PLGRKT: variants seen among roughly 807,000 people sequenced by gnomAD.
The protein encoded by PLGRKT is plasminogen receptor (KT).
Under a neutral mutation model 18.5 loss-of-function variants are expected in PLGRKT, and 22 were observed. That is an observed-to-expected ratio of 1.19 (90% CI 0.85 to 1.70). PLGRKT has a LOEUF of 1.70. PLGRKT is among the 40% of genes most tolerant of loss of function. The probability of loss-of-function intolerance (pLI) is 0.00; values close to 1 mark genes in which losing one functional copy is unlikely to be tolerated. For synonymous variants in PLGRKT, 72 were observed against 52.8 expected, an observed-to-expected ratio of 1.36 and a Z score of -1.58; for missense variants, 235 against 174.4, an observed-to-expected ratio of 1.35 and a Z score of -1.96.
intron 3 of PLGRKT, among the ~76,000 whole-genome samples, chr9:5,401,927 A>G (rs1430873921): frequency 6.6e-6 from 1 of 151,990 alleles, no homozygotes; most frequent in Non-Finnish European, 1.5e-5. Context: ...CTCTTTGGTC[A>G]ACAGACACTT....
intron 3 of PLGRKT, among the ~76,000 whole-genome samples, chr9:5,425,886 GATTTT>G (rs1271332983): frequency 6.6e-6 from 1 of 152,036 alleles, no homozygotes; most frequent in African/African-American, 2.4e-5. Flanking sequence ...AGTAGGATAA[GATTTT>G]ATTTATTAGG....
At chr9:5,408,314 C>CA (rs1818294401) in intron 3 of PLGRKT, among the ~76,000 whole-genome samples, 1 of 152,230 alleles carries the variant, frequency 6.6e-6, no homozygotes, top group East Asian at 1.9e-4. Context: ...GATGAGGTCT[C>CA]AGATGGAAAT....
intron 5 of PLGRKT, among the ~76,000 whole-genome samples, chr9:5,358,947 G>A (rs981322946): frequency 6.6e-6 from 1 of 152,120 alleles, no homozygotes; most frequent in African/African-American, 2.4e-5. Flanking sequence ...TATTGTCGAA[G>A]ACTACTTAGC....
rs551857200 is a variant in PLGRKT, at chr9:5,434,861, G to A, written c.-7+1708C>T. On this transcript the variant is annotated intron_variant, in intron 2 of 5. Coordinates refer to ENST00000223864, the MANE Select transcript of PLGRKT (RefSeq NM_018465.4). Reference sequence around the variant, plus strand: ...AGAACGGGCCATGATGACGATGGCGGTTTTGTCGAAAAGAAAAGGGGGAAA... The same window carrying A: ...AGAACGGGCCATGATGACGATGGCGATTTTGTCGAAAAGAAAAGGGGGAAA... Among the ~76,000 whole-genome samples, 129 of 152,258 alleles carry A rather than the reference G, an allele frequency of 8.5e-4. 1 individual carries two copies. Among genetic ancestry groups the A allele is most frequent in the African/African-American group, 2.8e-3 (117 of 41,544 alleles).
intron 3 of PLGRKT, among the ~76,000 whole-genome samples, chr9:5,370,672 T>C (rs1817496521): frequency 6.6e-6 from 1 of 152,256 alleles, no homozygotes; most frequent in Admixed American, 6.5e-5. Flanking sequence ...GTTTTGTTTT[T>C]ATCCGAAATG....
intron 3 of PLGRKT, among the ~76,000 whole-genome samples, chr9:5,408,683 C>T (rs1408664996): frequency 1.3e-5 from 2 of 152,224 alleles, no homozygotes; most frequent in Non-Finnish European, 2.9e-5. Flanking sequence ...GGAGCCAAGT[C>T]TAATAGTCAA....
intron 3 of PLGRKT, among the ~76,000 whole-genome samples, chr9:5,371,635 G>A (rs909225401): frequency 2.6e-5 from 4 of 152,116 alleles, no homozygotes; most frequent in Non-Finnish European, 5.9e-5. Flanking sequence ...AATCAGCAGC[G>A]TGAAAATGGA....
In PLGRKT at chr9:5,361,059, T is replaced by C. The variant is rs1817251694; in HGVS notation, c.322+19A>G. On this transcript the variant is annotated intron_variant, in intron 5 of 5. Transcript: ENST00000223864. ...AAAATAAATCAGCAAATAGAAACTCTAGTTTACCAAAGACTTACCTTTCAT... is the reference window on the plus strand; with the variant it reads ...AAAATAAATCAGCAAATAGAAACTCCAGTTTACCAAAGACTTACCTTTCAT... 1 of 1,189,066 alleles carries C rather than the reference T, an allele frequency of 8.4e-7. No individual in the cohort carries two copies. Among genetic ancestry groups the C allele is most frequent in the Admixed American group, 1.9e-5 (1 of 51,496 alleles). The allele number at this position is 1,189,066 out of a possible 1,614,324, so 73.7% of individuals were successfully genotyped here.
intron 3 of PLGRKT, among the ~76,000 whole-genome samples, chr9:5,375,396 G>A (rs1817608710): frequency 1.3e-5 from 2 of 152,162 alleles, no homozygotes; most frequent in South Asian, 4.1e-4. Context: ...AACAATGCAG[G>A]CATCACTGGT....
intron 3 of PLGRKT, among the ~76,000 whole-genome samples, chr9:5,409,626 C>T (rs1259444353): frequency 6.6e-6 from 1 of 152,204 alleles, no homozygotes; most frequent in African/African-American, 2.4e-5. Flanking sequence ...CCCATGAGAG[C>T]AGTTGTGGGG....
Position 5,358,167 on chromosome 9 carries a change from T to A in PLGRKT, c.*72A>T. ...ATCTATAATATCAAAATCTTGAGCATTTAAAAAACTGTAAAAACCATGATT... is the reference window on the plus strand; with the variant it reads ...ATCTATAATATCAAAATCTTGAGCAATTAAAAAACTGTAAAAACCATGATT... On this transcript the variant is annotated 3_prime_UTR_variant, in exon 6 of 6. Coordinates refer to ENST00000223864, the MANE Select transcript of PLGRKT (RefSeq NM_018465.4). 9.0e-7 allele frequency: 1 copy of A among 1,112,160 alleles called. No homozygotes were observed. Among genetic ancestry groups the A allele is most frequent in the Non-Finnish European group, 1.3e-6 (1 of 770,022 alleles). The allele number at this position is 1,112,160 out of a possible 1,614,324, so 68.9% of individuals were successfully genotyped here.
chr9:5,404,150 A>T (rs1563781470), intron 3 of PLGRKT, among the ~76,000 whole-genome samples: 2 of 152,152 alleles, frequency 1.3e-5, no homozygotes, highest in Non-Finnish European at 2.9e-5. Flanking sequence ...ACCAACCAAA[A>T]ACAGCCCAGA....
chr9:5,390,241 GTA>G (rs201045967), intron 3 of PLGRKT, among the ~76,000 whole-genome samples: 5 of 148,366 alleles, frequency 3.4e-5, no homozygotes, highest in East Asian at 2.0e-4. Flanking sequence ...GTGTGTATGT[GTA>G]TATATATATA....
intron 3 of PLGRKT, among the ~76,000 whole-genome samples, chr9:5,368,943 C>T (rs757953677): frequency 3.9e-4 from 60 of 152,160 alleles, no homozygotes; most frequent in South Asian, 6.2e-4. Flanking sequence ...TTATGCCTTA[C>T]ACAAAAATTC....
intron 3 of PLGRKT, among the ~76,000 whole-genome samples, chr9:5,407,915 G>C (rs780533770): frequency 6.6e-6 from 1 of 152,064 alleles, no homozygotes; most frequent in Non-Finnish European, 1.5e-5. Flanking sequence ...ACTGATATTA[G>C]CATTTAATGC....
chr9:5,417,123 A>C (rs1238457283), intron 3 of PLGRKT, among the ~76,000 whole-genome samples: 3 of 152,230 alleles, frequency 2.0e-5, no homozygotes, highest in African/African-American at 7.2e-5. Flanking sequence ...AGAAAGACAC[A>C]GCAGGTTGCC....
In PLGRKT at chr9:5,434,820, G is replaced by C. The variant is rs562050324; in HGVS notation, c.-7+1749C>G. ...GGGAAGTGTACCCAACAGCTCCGAA[G>C]AGACAGCGACCATCGAGAACGGGCC... is the stretch of plus-strand genomic sequence containing the variant. On this transcript the variant is annotated intron_variant, in intron 2 of 5. Coordinates refer to ENST00000223864, the MANE Select transcript of PLGRKT (RefSeq NM_018465.4). 1.1e-4 allele frequency among the ~76,000 whole-genome samples: 17 copies of C among 152,370 alleles called. 1 individual carries two copies. The South Asian group carries it at 3.3e-3, about 30-fold the overall frequency.
At chr9:5,388,535 C>G (rs1817888005) in intron 3 of PLGRKT, among the ~76,000 whole-genome samples, 1 of 152,076 alleles carries the variant, frequency 6.6e-6, no homozygotes, top group East Asian at 1.9e-4. Flanking sequence ...TCTTCACAAA[C>G]TGGCCTACTC....
intron 3 of PLGRKT, among the ~76,000 whole-genome samples, chr9:5,379,698 A>G (rs1051306988): frequency 6.6e-6 from 1 of 152,238 alleles, no homozygotes; most frequent in African/African-American, 2.4e-5. Flanking sequence ...CTTCATTTGT[A>G]GTAGAAAAAT....
Sources: allele counts gnomAD v4.1 joint callset (sites outside exome capture counted in the v4.1 genomes callset), GRCh38; gene constraint gnomAD v4.1.1; transcripts MANE v1.5; gene names NCBI Gene and HGNC (gene_info 2026-07-23, HGNC 2026-07-21).